Variants in ZRANB2 observed in about 807,000 individuals in gnomAD.
The protein encoded by ZRANB2 is zinc finger RANBP2-type containing 2, also known as zinc finger Ran-binding domain-containing protein 2.
A neutral mutation model predicts 53.4 loss-of-function variants in ZRANB2; 19 were observed. The ratio of observed to expected loss-of-function variants is 0.36; its 90% CI spans 0.25 to 0.52. The LOEUF is 0.52. ZRANB2 is among the 20% of genes least tolerant of loss of function. The probability of loss-of-function intolerance (pLI) is 0.93; values close to 1 mark genes in which losing one functional copy is unlikely to be tolerated. For missense variants in ZRANB2, 309 were observed against 401.1 expected (o/e 0.77, Z 1.96); for synonymous variants, 145 against 134.8 (o/e 1.08, Z -0.52).
intron 8 of ZRANB2, 124 bp from the exon 9 acceptor site, chr1:71,067,058 G>A (rs1164045821): frequency 1.1e-6 from 1 of 882,950 alleles, no homozygotes; most frequent in African/African-American, 1.7e-5. Flanking sequence ...TTATAAGGAA[G>A]AATACTTACT....
At chr1:71,065,240 G>T in intron 9 of ZRANB2, 103 bp from the exon 10 acceptor site, 2 of 867,380 alleles carry the variant, frequency 2.3e-6, no homozygotes, top group Non-Finnish European at 3.5e-6. Flanking sequence ...GTACCATGAT[G>T]CTAGCAAAAA....
At chr1:71,077,884 G>C (rs74327364) in intron 3 of ZRANB2, among the ~76,000 whole-genome samples, 3,191 of 152,010 alleles carry the variant, frequency 0.021, 113 homozygotes, top group African/African-American at 0.072. Flanking sequence ...CAAACAAAAA[G>C]AGAAATTTAT....
At position 71,069,256 on chromosome 1, in the gene ZRANB2, A is replaced by G; in HGVS notation, c.770+20T>C. On this transcript the variant is annotated intron_variant, in intron 8 of 9. Transcript: ENST00000370920. The stretch of plus-strand genomic sequence containing the variant: ...AAATATTTTTCTCTCTGCTTTACAG[A>G]GAGATGCTACCTCATTCACCTTGAT... 3 of 1,591,348 alleles carry G rather than the reference A, an allele frequency of 1.9e-6. No individual in the cohort carries two copies. The highest frequency in any genetic ancestry group is 2.6e-6 in the Non-Finnish European group (3 of 1,164,970).
At position 71,069,381 on chromosome 1, in the gene ZRANB2, ATTT is replaced by A; in HGVS notation, c.684-22_684-20del. The stretch of plus-strand genomic sequence containing the variant: ...ACGGGACCTGGAACAACATGGAACG[ATTT>A]TTTTTTTCCAGGACCATTTAATTGA... On this transcript the variant is annotated intron_variant, in intron 7 of 9. Transcript: ENST00000370920. 1 of 1,528,008 alleles carries A rather than the reference ATTT, an allele frequency of 6.5e-7. No individual in the cohort carries two copies. Among genetic ancestry groups the A allele is most frequent in the African/African-American group, 1.4e-5 (1 of 72,230 alleles). The allele number at this position is 1,528,008 out of a possible 1,614,324, so 94.7% of individuals were successfully genotyped here. A position where few individuals can be genotyped will look rare whatever the true frequency, so the allele number is the denominator to read the frequency against.
chr1:71,078,325 G>A, intron 3 of ZRANB2, 132 bp downstream of exon 3: 1 of 716,234 alleles, frequency 1.4e-6, no homozygotes, highest in Non-Finnish European at 2.4e-6. Flanking sequence ...AGATGAGACT[G>A]AATAACAATA....
chr1:71,068,108 G>A (rs1009128767), intron 8 of ZRANB2, among the ~76,000 whole-genome samples: 8 of 152,040 alleles, frequency 5.3e-5, no homozygotes, highest in African/African-American at 1.2e-4. Flanking sequence ...CAAGCAGCCC[G>A]CCCACCTTGG....
chr1:71,065,914 C>T (rs1387996766), intron 9 of ZRANB2: 1 of 1,004,264 alleles, frequency 1.0e-6, no homozygotes. Flanking sequence ...TGCAGAGAAA[C>T]AAGACTGTGT....
intron 8 of ZRANB2, 112 bp from the exon 9 acceptor site, chr1:71,067,046 T>C: frequency 9.2e-7 from 1 of 1,090,442 alleles, no homozygotes; most frequent in East Asian, 2.8e-5. Flanking sequence ...ACTATGAAAA[T>C]TTTATAAGGA....
intron 9 of ZRANB2, chr1:71,066,044 T>C: frequency 4.6e-6 from 1 of 216,470 alleles, no homozygotes; most frequent in Non-Finnish European, 9.0e-6. Flanking sequence ...ACATAATCTT[T>C]ATTTTCACAA....
chr1:71,066,931 G>A lies in ZRANB2; in HGVS notation c.774C>T (p.Ser258=). 1.3e-6 allele frequency: 2 copies of A among 1,557,184 alleles called. No homozygotes were observed. Among genetic ancestry groups the A allele is most frequent in the South Asian group, 1.3e-5 (1 of 78,988 alleles). ...RSRSRGSKSR[S]SSRSHRGSSS... ...AAGAGCCCCTGTGGGACCTGGAGCT[G>A]GATCTTCATTGATTGAGAAACAAAT... is the stretch of plus-strand genomic sequence containing the variant. The change falls in exon 9 of 10, where the codon TCC becomes TCT. Residue 258 remains serine (S), a synonymous_variant. Coordinates refer to ENST00000370920, the MANE Select transcript of ZRANB2 (RefSeq NM_203350.3).
intron 7 of ZRANB2, 80 bp downstream of exon 7, chr1:71,070,747 C>T (rs553886291): frequency 2.2e-6 from 2 of 898,340 alleles, no homozygotes; most frequent in Non-Finnish European, 3.2e-6. Flanking sequence ...TTTATTTCGT[C>T]AAGAAAAACA....
chr1:71,078,613 T>G, intron 2 of ZRANB2, 43 bp downstream of exon 2: 1 of 1,609,254 alleles, frequency 6.2e-7, no homozygotes, highest in South Asian at 1.1e-5. Flanking sequence ...AATAAATAAA[T>G]GATACATATA....
intron 4 of ZRANB2, among the ~76,000 whole-genome samples, chr1:71,073,208 T>C (rs895182429): frequency 6.6e-6 from 1 of 152,078 alleles, no homozygotes; most frequent in Admixed American, 6.6e-5. Context: ...AACCAATGTA[T>C]ACAATTCAAT....
Position 71,064,007 on chromosome 1 carries a change from C to T in ZRANB2, c.*1067G>A, listed in dbSNP as rs1406050906. ...AGAAAACAAACTAAAGCTCATGTGA[C>T]CAGATTTTAATTTTGAGAAATAAAC... is the stretch of plus-strand genomic sequence containing the variant. On this transcript the variant is annotated 3_prime_UTR_variant, in exon 10 of 10. Transcript: ENST00000370920. The T allele has an allele frequency of 6.6e-6, 1 of 152,318 alleles. No individual in the cohort carries two copies. Among genetic ancestry groups the T allele is most frequent in the Non-Finnish European group, 1.5e-5 (1 of 67,852 alleles). The allele number at this position is 152,318 out of a possible 1,614,324, so 9.4% of individuals were successfully genotyped here.
rs1007008031 is a variant in ZRANB2 at position 71,063,416 on chromosome 1, C to G, written c.*1658G>C. ...ATGAACTAGTACAGCTTAGTTAAACCAAATGAAATCATAATCATCAGAATT... is the reference window on the plus strand; with the variant it reads ...ATGAACTAGTACAGCTTAGTTAAACGAAATGAAATCATAATCATCAGAATT... On this transcript the variant is annotated 3_prime_UTR_variant, in exon 10 of 10. Transcript: ENST00000370920. 5.3e-5 allele frequency: 8 copies of G among 152,354 alleles called. No individual in the cohort carries two copies. In the South Asian group the frequency reaches 1.7e-3, roughly 32 times the overall value. 9.4% of individuals were successfully genotyped at this position (152,354 alleles called of 1,614,324 possible).
rs556626764 is a variant in ZRANB2 at position 71,075,205 on chromosome 1, T to C, written c.301+1590A>G. Among the ~76,000 whole-genome samples, 4 of 152,300 alleles carry C rather than the reference T, an allele frequency of 2.6e-5. No homozygotes were observed. In the South Asian group the frequency reaches 8.3e-4, roughly 32 times the overall value. On this transcript the variant is annotated intron_variant, in intron 4 of 9. Transcript: ENST00000370920. ...GAAATAAAAACATGTAGAAACCAGC[T>C]AGGTGGCTATTTTTCCACAAAACAT...
At position 71,064,317 on chromosome 1, in the gene ZRANB2, T is replaced by C. The variant is rs1490430465; in HGVS notation, c.*757A>G. 2 of 152,126 alleles carry C rather than the reference T, an allele frequency of 1.3e-5. No individual in the cohort carries two copies. Among genetic ancestry groups the C allele is most frequent in the African/African-American group, 4.8e-5 (2 of 41,440 alleles). The allele number at this position is 152,126 out of a possible 1,614,324, so 9.4% of individuals were successfully genotyped here. Reference sequence around the variant, plus strand: ...TTTGGTAACTACATTTGGAAGAATATCACACAAAGCTTCTTAAAACATTGG... The same window carrying C: ...TTTGGTAACTACATTTGGAAGAATACCACACAAAGCTTCTTAAAACATTGG... On this transcript the variant is annotated 3_prime_UTR_variant, in exon 10 of 10. Coordinates refer to ENST00000370920, the MANE Select transcript of ZRANB2 (RefSeq NM_203350.3).
chr1:71,067,832 T>G (rs1467815285), intron 8 of ZRANB2: 2 of 337,706 alleles, frequency 5.9e-6, no homozygotes, highest in Non-Finnish European at 1.2e-5. Context: ...TAAATATTGT[T>G]ACTAAATAAT....
intron 6 of ZRANB2, 61 bp downstream of exon 6, chr1:71,072,060 A>C: frequency 1.3e-6 from 2 of 1,559,732 alleles, no homozygotes; most frequent in Non-Finnish European, 1.7e-6. Context: ...TGTCAAAAGC[A>C]TTCATGTTAT....
Sources: gnomAD v4.1 joint callset for allele counts (sites outside exome capture counted in the v4.1 genomes callset) on GRCh38, gnomAD v4.1.1 for gene constraint, MANE v1.5 for transcripts, NCBI Gene and HGNC (gene_info 2026-07-23, HGNC 2026-07-21) for gene names.